The following DSCAM variants were observed in gnomAD, a reference collection of about 807,000 sequenced individuals.
DSCAM encodes the protein DS cell adhesion molecule.
In DSCAM, 47 loss-of-function variants were observed where a neutral mutation model predicts 217.7. That is an observed-to-expected ratio of 0.22 (90% CI 0.17 to 0.28). DSCAM has a LOEUF of 0.28. DSCAM is among the 10% of genes least tolerant of loss of function. The pLI is 1.00. For missense variants in DSCAM, 2,080 were observed against 2,618.3 expected, an observed-to-expected ratio of 0.79 and a Z score of 4.49; for synonymous variants, 1,056 against 1,015.3, an observed-to-expected ratio of 1.04 and a Z score of -0.76.
chr21:40,191,107 A>G (rs887376584), intron 11 of DSCAM, among the ~76,000 whole-genome samples: 1 of 152,190 alleles, frequency 6.6e-6, no homozygotes, highest in Non-Finnish European at 1.5e-5. Flanking sequence ...AAGGTACTTG[A>G]CCATAGAAAC....
intron 14 of DSCAM, among the ~76,000 whole-genome samples, chr21:40,186,060 CT>C (rs1292369298): frequency 6.6e-6 from 1 of 152,234 alleles, no homozygotes; most frequent in Non-Finnish European, 1.5e-5. Context: ...ACAGATACTA[CT>C]TTTCAAAACA....
At chr21:40,220,951 T>C (rs60481169) in intron 11 of DSCAM, among the ~76,000 whole-genome samples, 10,520 of 152,182 alleles carry the variant, frequency 0.069, 596 homozygotes, top group African/African-American at 0.15. Flanking sequence ...AGGTTTTAAT[T>C]TCATTAATCT....
At chr21:40,609,610 T>C (rs1460389785) in intron 3 of DSCAM, among the ~76,000 whole-genome samples, 2 of 152,128 alleles carry the variant, frequency 1.3e-5, no homozygotes, top group Admixed American at 6.6e-5. Flanking sequence ...ATCTTTCTAA[T>C]CCTGCAGTGT....
At chr21:40,821,082 A>C (rs938106570) in intron 1 of DSCAM, among the ~76,000 whole-genome samples, 2 of 147,500 alleles carry the variant, frequency 1.4e-5, no homozygotes, top group African/African-American at 2.5e-5. Flanking sequence ...ATAGATCTTC[A>C]CATATATAGA....
Position 40,137,272 on chromosome 21 carries a change from G to GGT in DSCAM, c.3407-3264_3407-3263insAC, listed in dbSNP as rs201031872. Among the ~76,000 whole-genome samples the GGT allele has an allele frequency of 2.2e-5, 3 of 136,190 alleles. No homozygotes were observed. In the Admixed American group the frequency reaches 2.2e-4, roughly 10 times the overall value. The allele number at this position is 136,190 out of a possible 152,430, so 89.3% of individuals were successfully genotyped here. A position where few individuals can be genotyped will look rare whatever the true frequency, so the allele number is the denominator to read the frequency against. On this transcript the variant is annotated intron_variant, in intron 18 of 32. Coordinates refer to ENST00000400454, the MANE Select transcript of DSCAM (RefSeq NM_001389.5). ...AATTAGAATTAACATTGGGGGGGGG[G>GGT]TTCAAGTTATTTTGATTAACTAATT...
At chr21:40,634,417 G>T (rs1336631169) in intron 3 of DSCAM, among the ~76,000 whole-genome samples, 1 of 152,160 alleles carries the variant, frequency 6.6e-6, no homozygotes, top group East Asian at 1.9e-4. Context: ...CTACCAGCAT[G>T]CAGTGGTACT....
At chr21:40,017,645 C>CA (rs1256193292) in intron 32 of DSCAM, among the ~76,000 whole-genome samples, 1 of 151,904 alleles carries the variant, frequency 6.6e-6, no homozygotes, top group Non-Finnish European at 1.5e-5. Flanking sequence ...CTCCACCTCC[C>CA]GGTTCAAGCG....
chr21:40,518,991 A>G (rs1163597546), intron 3 of DSCAM, among the ~76,000 whole-genome samples: 1 of 152,156 alleles, frequency 6.6e-6, no homozygotes, highest in African/African-American at 2.4e-5. Context: ...ACATAATGTT[A>G]AGTACTTCAT....
intron 3 of DSCAM, among the ~76,000 whole-genome samples, chr21:40,433,311 T>C (rs920683132): frequency 5.6e-5 from 8 of 141,928 alleles, no homozygotes; most frequent in African/African-American, 2.1e-4. Context: ...ATCATGCCAC[T>C]GCACTCAGCT....
chr21:40,264,592 C>T (rs1337308320), intron 11 of DSCAM, among the ~76,000 whole-genome samples: 1 of 152,068 alleles, frequency 6.6e-6, no homozygotes, highest in Non-Finnish European at 1.5e-5. Context: ...AAACCCAGAG[C>T]CCACATCATA....
intron 1 of DSCAM, among the ~76,000 whole-genome samples, chr21:40,760,043 G>A (rs150993047): frequency 6.6e-6 from 1 of 151,522 alleles, no homozygotes; most frequent in African/African-American, 2.4e-5. Context: ...AACCAGGCTG[G>A]AATGCAGTGG....
At chr21:40,072,763 C>T (rs1457776537) in intron 27 of DSCAM, among the ~76,000 whole-genome samples, 1 of 152,112 alleles carries the variant, frequency 6.6e-6, no homozygotes, top group Admixed American at 6.5e-5. Context: ...TGCTCCTTAA[C>T]ATCTCTTAGT....
chr21:40,179,401 G>T (rs1209626695), intron 14 of DSCAM, among the ~76,000 whole-genome samples: 1 of 152,102 alleles, frequency 6.6e-6, no homozygotes, highest in Non-Finnish European at 1.5e-5. Flanking sequence ...GACTGGGGGA[G>T]ATCTCAGAAG....
At chr21:40,609,736 G>A (rs1401466369) in intron 3 of DSCAM, among the ~76,000 whole-genome samples, 1 of 152,230 alleles carries the variant, frequency 6.6e-6, no homozygotes, top group South Asian at 2.1e-4. Context: ...TCAACTGGAG[G>A]AGAGGTAAGT....
chr21:40,082,296 T>C (rs771053101), intron 24 of DSCAM, among the ~76,000 whole-genome samples: 1 of 152,060 alleles, frequency 6.6e-6, no homozygotes, highest in Non-Finnish European at 1.5e-5. Context: ...CCATCTCTAC[T>C]AAAAGTACAA....
intron 4 of DSCAM, among the ~76,000 whole-genome samples, chr21:40,365,004 A>G (rs951374149): frequency 1.0e-4 from 15 of 150,534 alleles, no homozygotes; most frequent in Admixed American, 4.6e-4. Context: ...CATAAACATA[A>G]TCACTTTTCA....
In DSCAM at chr21:40,189,198, G is replaced by T. The variant is rs759341321; in HGVS notation, c.2397C>A (p.Ala799=). ...MITSYPNTTL[A]TQGQKKEMSC... ...TCATCTCCTTTTTCTGCCCCTGCGT[G>T]GCCAGGGTAGTATTTGGATAGGATG... is the stretch of plus-strand genomic sequence containing the variant. Residue 799 remains alanine (A), a synonymous_variant, in exon 12 of 33, where the codon GCC becomes GCA. Coordinates refer to ENST00000400454, the MANE Select transcript of DSCAM (RefSeq NM_001389.5). 10 of 1,611,702 alleles carry T rather than the reference G, an allele frequency of 6.2e-6. No homozygotes were observed. The African/African-American group carries it at 1.1e-4, about 17-fold the overall frequency.
intron 10 of DSCAM, 92 bp downstream of exon 10, chr21:40,295,963 G>C: frequency 1.4e-6 from 2 of 1,477,336 alleles, no homozygotes; most frequent in South Asian, 2.8e-5. Flanking sequence ...CTACTTGCAA[G>C]AAACTTCTCT....
At chr21:40,422,474 A>AT (rs1282309058) in intron 3 of DSCAM, among the ~76,000 whole-genome samples, 15 of 124,280 alleles carry the variant, frequency 1.2e-4, no homozygotes, top group East Asian at 4.7e-4. Flanking sequence ...TACTAAAAAA[A>AT]AATATATATA....
Sources: allele counts gnomAD v4.1 joint callset (sites outside exome capture counted in the v4.1 genomes callset), GRCh38; gene constraint gnomAD v4.1.1; transcripts MANE v1.5; gene names NCBI Gene and HGNC (gene_info 2026-07-23, HGNC 2026-07-21).